ANO7: variants seen among roughly 807,000 people sequenced by gnomAD.
The protein encoded by ANO7 is anoctamin 7.
In ANO7, 114 loss-of-function variants were observed where a neutral mutation model predicts 115.8. The observed-to-expected ratio is 0.98, with a 90% confidence interval of 0.85 to 1.15. ANO7 has a LOEUF of 1.15. Ranked by LOEUF, ANO7 falls within the 50% of genes most tolerant of loss-of-function variation. ANO7 has a pLI of 0.00. For missense variants in ANO7, 1,302 were observed against 1,201.2 expected, an observed-to-expected ratio of 1.08 and a Z score of -1.24; for synonymous variants, 550 against 498.2, an observed-to-expected ratio of 1.10 and a Z score of -1.38.
At chr2:241,230,309 C>T (rs199526950), downstream of ANO7, 114 of 1,217,402 alleles carry the variant, frequency 9.4e-5, no homozygotes, top group Admixed American at 6.1e-4. The surrounding 1 kb of genome is among the most constrained non-coding windows in gnomAD (Gnocchi z 5.0). Context: ...GGACTCCAAG[C>T]GAGGAAAAGG....
intron 15 of ANO7, among the ~76,000 whole-genome samples, chr2:241,211,319 C>G (rs1163323294): frequency 5.1e-5 from 4 of 77,682 alleles, no homozygotes. Context: ...CTCCCCCTTC[C>G]TCTCCCATCG....
the ANO7 span, chr2:241,236,217 G>A: frequency 8.0e-6 from 2 of 249,998 alleles, no homozygotes; most frequent in Non-Finnish European, 7.7e-6. Flanking sequence ...CATCCAGTAC[G>A]CAGGTGGCAC....
chr2:241,221,376 G>A (rs910143202), intron 21 of ANO7, among the ~76,000 whole-genome samples: 4 of 149,476 alleles, frequency 2.7e-5, no homozygotes, highest in Non-Finnish European at 5.9e-5. Context: ...TTTCACGCCC[G>A]TCCTATTCTC....
rs117948620 is a variant in ANO7, at chr2:241,209,991, C to T, written c.1360-304C>T. On this transcript the variant is annotated intron_variant, in intron 13 of 24. Coordinates refer to ENST00000674324, the MANE Select transcript of ANO7 (RefSeq NM_001370694.2). Reference sequence around the variant, plus strand: ...GCTTCCTAATAGGACCTCTCACTCCCCTGCCAAGATGTCAGGAATCCCCAA... The same window carrying T: ...GCTTCCTAATAGGACCTCTCACTCCTCTGCCAAGATGTCAGGAATCCCCAA... 2.9e-4 allele frequency among the ~76,000 whole-genome samples: 44 copies of T among 152,360 alleles called. No individual in the cohort carries two copies. In the East Asian group the frequency reaches 7.1e-3, roughly 25 times the overall value.
chr2:241,232,932 C>CT, the ANO7 span, among the ~76,000 whole-genome samples: 2 of 151,810 alleles, frequency 1.3e-5, no homozygotes, highest in African/African-American at 4.8e-5. Context: ...CCTGGCCTGG[C>CT]TGGTGTGTGT....
At chr2:241,189,921 C>T (rs1424567075) in intron 1 of ANO7, 136 bp from the exon 2 acceptor site, 6 of 642,766 alleles carry the variant, frequency 9.3e-6, no homozygotes, top group South Asian at 2.1e-5. Flanking sequence ...GAGAGTCTGC[C>T]GAGCCAGCCC....
At chr2:241,202,568 G>A (rs1420918595) in intron 8 of ANO7, among the ~76,000 whole-genome samples, 1 of 152,226 alleles carries the variant, frequency 6.6e-6, no homozygotes, top group Non-Finnish European at 1.5e-5. Flanking sequence ...GGCTCTAGAT[G>A]CTATGGCTCT....
At chr2:241,211,003 G>A (rs1267552078) in intron 15 of ANO7, among the ~76,000 whole-genome samples, 2 of 152,160 alleles carry the variant, frequency 1.3e-5, no homozygotes, top group Non-Finnish European at 2.9e-5. Context: ...TGGCACCCCA[G>A]GTGGGACACA....
chr2:241,205,173 A>G (rs2068561044), intron 10 of ANO7, among the ~76,000 whole-genome samples: 1 of 152,116 alleles, frequency 6.6e-6, no homozygotes, highest in Admixed American at 6.5e-5. Flanking sequence ...CCAGGCTGAC[A>G]GGTGGACAGG....
intron 16 of ANO7, 91 bp downstream of exon 16, chr2:241,212,296 C>A: frequency 1.5e-6 from 2 of 1,295,622 alleles, no homozygotes; most frequent in Non-Finnish European, 2.2e-6. Context: ...GTCATCCAGC[C>A]GTGCTCAGGC....
intron 1 of ANO7, 109 bp from the exon 2 acceptor site, chr2:241,189,948 G>C: frequency 2.5e-6 from 2 of 807,842 alleles, no homozygotes; most frequent in South Asian, 1.8e-5. Flanking sequence ...ATTCTACTCC[G>C]AGTCGAGTCT....
At chr2:241,223,018 T>C (rs889282475) in intron 21 of ANO7, among the ~76,000 whole-genome samples, 168 bp from the exon 22 acceptor site, 16 of 152,168 alleles carry the variant, frequency 1.1e-4, no homozygotes, top group African/African-American at 3.6e-4. Flanking sequence ...CAGAGTATCC[T>C]GTTTGGGAAG....
At chr2:241,215,881 T>G (rs1403780078) in intron 18 of ANO7, among the ~76,000 whole-genome samples, 5 of 152,230 alleles carry the variant, frequency 3.3e-5, no homozygotes, top group Non-Finnish European at 7.3e-5. Flanking sequence ...CTCCCACATC[T>G]GACCAACAGA....
downstream of ANO7, chr2:241,229,952 C>T (rs766531306): frequency 1.9e-5 from 31 of 1,598,968 alleles, no homozygotes; most frequent in African/African-American, 2.7e-5. Context: ...CTGTCCACCA[C>T]GTCAGCTAGC....
chr2:241,239,845 G>A, the ANO7 span: 2 of 1,611,934 alleles, frequency 1.2e-6, no homozygotes, highest in Non-Finnish European at 1.7e-6. The surrounding 1 kb of genome is among the most constrained non-coding windows in gnomAD (Gnocchi z 4.6). Flanking sequence ...AGAGATGGAA[G>A]ATAAGCCACC....
intron 3 of ANO7, among the ~76,000 whole-genome samples, chr2:241,192,363 A>T (rs1362755604): frequency 6.6e-6 from 1 of 152,004 alleles, no homozygotes; most frequent in Non-Finnish European, 1.5e-5. Context: ...CGGGGCTTAG[A>T]TGGCAGAACT....
intron 3 of ANO7, among the ~76,000 whole-genome samples, chr2:241,191,704 C>T (rs2068208152): frequency 6.6e-6 from 1 of 151,108 alleles, no homozygotes; most frequent in Admixed American, 6.6e-5. Flanking sequence ...TCCCAGCACC[C>T]ACCCCGCCCA....
chr2:241,235,554 T>G, the ANO7 span: 1 of 1,613,960 alleles, frequency 6.2e-7, no homozygotes, highest in Non-Finnish European at 8.5e-7. Context: ...ACGGTGAAGG[T>G]CAAAGGGCAC....
rs745631414 is a variant in ANO7 at position 241,218,266 on chromosome 2, T to A, written c.2206T>A (p.Phe736Ile). ...CTTCCTCCTGGCCTTCTCGTCCGAC[T>A]TCCTGCCGCGCGCCTACTACCGGTG... ...NAFLLAFSSDFLPRAYYRWTR... is the reference protein window; with the variant it reads ...NAFLLAFSSDILPRAYYRWTR... Residue 736 changes from phenylalanine (F) to isoleucine (I), a missense_variant, in exon 21 of 25, where the codon TTC (phenylalanine) becomes ATC (isoleucine). Coordinates refer to ENST00000674324, the MANE Select transcript of ANO7 (RefSeq NM_001370694.2). The A allele has an allele frequency of 6.5e-7, 1 of 1,532,606 alleles. No individual in the cohort carries two copies. Among genetic ancestry groups the A allele is most frequent in the Non-Finnish European group, 8.7e-7 (1 of 1,147,126 alleles). The allele number at this position is 1,532,606 out of a possible 1,614,324, so 94.9% of individuals were successfully genotyped here.
Sources: allele counts gnomAD v4.1 joint callset (sites outside exome capture counted in the v4.1 genomes callset), GRCh38; gene constraint gnomAD v4.1.1; non-coding constraint Gnocchi (gnomAD v3.1); transcripts MANE v1.5; gene names NCBI Gene and HGNC (gene_info 2026-07-23, HGNC 2026-07-21).